FAM171A1: variants seen among roughly 807,000 people sequenced by gnomAD.
The protein encoded by FAM171A1 is family with sequence similarity 171 member A1.
In FAM171A1, 23 loss-of-function variants were observed where a neutral mutation model predicts 74.9. That is an observed-to-expected ratio of 0.31 (90% CI 0.22 to 0.44). The LOEUF (loss-of-function observed/expected upper bound fraction) is 0.44. Ranked by LOEUF, FAM171A1 falls within the 20% of genes least tolerant of loss-of-function variation. The pLI is 1.00. For synonymous variants in FAM171A1, 527 were observed against 505.7 expected, an observed-to-expected ratio of 1.04 and a Z score of -0.57; for missense variants, 1,162 against 1,159.2, an observed-to-expected ratio of 1.00 and a Z score of -0.03.
intron 1 of FAM171A1, among the ~76,000 whole-genome samples, chr10:15,308,741 C>A (rs747811146): frequency 2.6e-5 from 4 of 152,180 alleles, no homozygotes; most frequent in Non-Finnish European, 4.4e-5. Flanking sequence ...CAGCACTGAC[C>A]ATTTTAGTTC....
At chr10:15,240,661 G>A (rs1011640734) in intron 5 of FAM171A1, 2 of 962,516 alleles carry the variant, frequency 2.1e-6, no homozygotes, top group Non-Finnish European at 2.5e-6. Context: ...TCTCTCCTAA[G>A]AGTAAACTTT....
chr10:15,343,257 T>G (rs559692297), intron 1 of FAM171A1, among the ~76,000 whole-genome samples: 4 of 152,190 alleles, frequency 2.6e-5, no homozygotes, highest in Non-Finnish European at 4.4e-5. Context: ...TAGTTCCAGT[T>G]ACACAGGGGG....
chr10:15,219,498 T>G (rs2131710074), intron 6 of FAM171A1, among the ~76,000 whole-genome samples: 1 of 152,340 alleles, frequency 6.6e-6, no homozygotes, highest in South Asian at 2.1e-4. Context: ...TCTAGGTATT[T>G]CAGATTCAGA....
chr10:15,261,717 C>G (rs1438487190), intron 3 of FAM171A1, among the ~76,000 whole-genome samples: 1 of 152,118 alleles, frequency 6.6e-6, no homozygotes, highest in African/African-American at 2.4e-5. Context: ...TGAAGGGGCA[C>G]AGATAAAGAA....
chr10:15,341,496 G>A (rs1835763860), intron 1 of FAM171A1, among the ~76,000 whole-genome samples: 1 of 152,184 alleles, frequency 6.6e-6, no homozygotes, highest in Non-Finnish European at 1.5e-5. Context: ...ACTGTTGTAT[G>A]CTTAGCTCTA....
intron 1 of FAM171A1, among the ~76,000 whole-genome samples, chr10:15,366,878 A>T (rs1336077197): frequency 2.0e-5 from 3 of 152,226 alleles, no homozygotes; most frequent in Non-Finnish European, 4.4e-5. Context: ...GATGTCAGTA[A>T]TTTGGTTAAA....
intron 3 of FAM171A1, among the ~76,000 whole-genome samples, chr10:15,267,862 T>G (rs1176692231): frequency 1.1e-5 from 1 of 89,342 alleles, no homozygotes. Context: ...ACCCTGCAGT[T>G]CAAGCTTTTA....
rs756591947 is a variant in FAM171A1, at chr10:15,254,684, A to T, written c.577+37T>A. 3.7e-6 allele frequency: 6 copies of T among 1,604,830 alleles called. No homozygotes were observed. In the East Asian group the frequency reaches 1.1e-4, roughly 30 times the overall value. On this transcript the variant is annotated intron_variant, in intron 4 of 7. Coordinates refer to ENST00000378116, the MANE Select transcript of FAM171A1 (RefSeq NM_001010924.2). ...AATCCACATGTAAAGACTAAAACAC[A>T]GTAACTCCCACTGAAAAGAGAAAAG...
chr10:15,254,613 C>T, intron 4 of FAM171A1, 108 bp downstream of exon 4: 1 of 1,226,466 alleles, frequency 8.2e-7, no homozygotes, highest in Non-Finnish European at 1.1e-6. Flanking sequence ...TCTGCACCTT[C>T]AGTGCCTTTC....
rs1311915242 is a variant in FAM171A1, at chr10:15,213,234, T to A, written c.2354A>T (p.Tyr785Phe). The A allele has an allele frequency of 1.5e-5, 24 of 1,614,122 alleles. No individual in the cohort carries two copies. The highest frequency in any genetic ancestry group is 1.9e-5 in the Non-Finnish European group (23 of 1,180,030). The stretch of plus-strand genomic sequence containing the variant: ...GTCATCCAGGTACACGAGCTGCGTG[T>A]AGGCCGTGCTGTCTGGGGCTCGAGG... Reference protein sequence around the residue: ...KEPRAPDSTAYTQLVYLDDVE... With the variant: ...KEPRAPDSTAFTQLVYLDDVE... The change falls in exon 8 of 8, where the codon TAC becomes TTC. Residue 785 changes from tyrosine to phenylalanine, a missense_variant. Transcript: ENST00000378116. This position sits in a 1 kb window ranked among gnomAD's most constrained non-coding sequence, Gnocchi z 6.8.
chr10:15,290,492 A>G (rs1344075651), intron 1 of FAM171A1, among the ~76,000 whole-genome samples: 1 of 152,158 alleles, frequency 6.6e-6, no homozygotes, highest in African/African-American at 2.4e-5. Flanking sequence ...CTCCAGACAC[A>G]TGGTCTCTGT....
At chr10:15,366,119 T>C (rs1302266508) in intron 1 of FAM171A1, among the ~76,000 whole-genome samples, 1 of 152,158 alleles carries the variant, frequency 6.6e-6, no homozygotes, top group Non-Finnish European at 1.5e-5. Context: ...GAAATGTAGT[T>C]TCATGTATTT....
At chr10:15,310,757 G>A (rs1835350665) in intron 1 of FAM171A1, among the ~76,000 whole-genome samples, 1 of 152,012 alleles carries the variant, frequency 6.6e-6, no homozygotes, top group African/African-American at 2.4e-5. Flanking sequence ...AGCTACTCAG[G>A]GGTTGAGGCA....
At position 15,282,109 on chromosome 10, in the gene FAM171A1, C is replaced by A. The variant is rs1223745424; in HGVS notation, c.325+1769G>T. Among the ~76,000 whole-genome samples the A allele has an allele frequency of 2.0e-5, 3 of 152,166 alleles. No homozygotes were observed. In the East Asian group the frequency reaches 5.8e-4, roughly 29 times the overall value. Reference sequence around the variant, plus strand: ...ACTTATTTATTTTTAGAGATGGAGTCTCGCTGTGTCATCCCGGCTGGAGTG... The same window carrying A: ...ACTTATTTATTTTTAGAGATGGAGTATCGCTGTGTCATCCCGGCTGGAGTG... On this transcript the variant is annotated intron_variant, in intron 2 of 7. Transcript: ENST00000378116.
intron 1 of FAM171A1, among the ~76,000 whole-genome samples, chr10:15,344,501 C>T (rs975845034): frequency 6.6e-6 from 1 of 152,160 alleles, no homozygotes; most frequent in Non-Finnish European, 1.5e-5. Flanking sequence ...ACCAAAACTG[C>T]ACCATTGCAC....
intron 1 of FAM171A1, among the ~76,000 whole-genome samples, chr10:15,366,689 A>G (rs999599207): frequency 6.6e-6 from 1 of 152,238 alleles, no homozygotes; most frequent in Non-Finnish European, 1.5e-5. Context: ...TCTCTGAAAT[A>G]TGCTTTATTC....
In FAM171A1 at chr10:15,296,529, C is replaced by T. The variant is rs189825235; in HGVS notation, c.98-12424G>A. ...AACAACATTCAGTTTGATGTTCCTCCGCAAAGACCAAGACTACTGTCATCC... is the reference window on the plus strand; with the variant it reads ...AACAACATTCAGTTTGATGTTCCTCTGCAAAGACCAAGACTACTGTCATCC... On this transcript the variant is annotated intron_variant, in intron 1 of 7. Transcript: ENST00000378116. 4.6e-3 allele frequency among the ~76,000 whole-genome samples: 702 copies of T among 152,220 alleles called. 18 individuals are homozygous for T. The highest frequency in any genetic ancestry group is 2.7e-3 in the East Asian group (14 of 5,178).
At chr10:15,355,490 G>C (rs1835922229) in intron 1 of FAM171A1, among the ~76,000 whole-genome samples, 1 of 152,136 alleles carries the variant, frequency 6.6e-6, no homozygotes, top group African/African-American at 2.4e-5. Flanking sequence ...GGCCGAGGCA[G>C]GTAGATCACC....
upstream of FAM171A1, among the ~76,000 whole-genome samples, chr10:15,371,706 G>A (rs114862405): frequency 6.6e-6 from 1 of 152,236 alleles, no homozygotes; most frequent in African/African-American, 2.4e-5. Flanking sequence ...GCTTCAGGAG[G>A]AATGGTACTT....
Sources: gnomAD v4.1 joint callset for allele counts (sites outside exome capture counted in the v4.1 genomes callset) on GRCh38, gnomAD v4.1.1 for gene constraint, Gnocchi (gnomAD v3.1) non-coding constraint, MANE v1.5 for transcripts, NCBI Gene and HGNC (gene_info 2026-07-23, HGNC 2026-07-21) for gene names.